The following CNBD1 variants were observed in gnomAD, a reference collection of about 807,000 sequenced individuals.
The protein encoded by CNBD1 is cyclic nucleotide binding domain containing 1, also known as cyclic nucleotide-binding domain-containing protein 1.
CNBD1 carries 71 observed loss-of-function variants against 54.4 expected under a neutral mutation model. The observed-to-expected ratio is 1.30, with a 90% CI of 1.08 to 1.59. The LOEUF is 1.59. Ranked by LOEUF, CNBD1 falls within the 40% of genes most tolerant of loss-of-function variation. The pLI, the probability that CNBD1 is intolerant of heterozygous loss-of-function variation, is 0.00. For synonymous variants in CNBD1, 182 were observed against 170.7 expected (o/e 1.07, Z -0.51); for missense variants, 659 against 518.0 (o/e 1.27, Z -2.64).
At chr8:87,107,735 A>G (rs1207755722) in intron 4 of CNBD1, among the ~76,000 whole-genome samples, 2 of 152,114 alleles carry the variant, frequency 1.3e-5, no homozygotes, top group African/African-American at 2.4e-5. Flanking sequence ...TTAGTTGTCT[A>G]TGTATGCTGT....
At chr8:86,968,631 AG>A (rs1808147806) in intron 4 of CNBD1, among the ~76,000 whole-genome samples, 3 of 152,326 alleles carry the variant, frequency 2.0e-5, no homozygotes, top group Admixed American at 2.0e-4. Context: ...TATTTGGGGA[AG>A]AGAAATATTT....
At chr8:87,128,921 A>T (rs774487106) in intron 4 of CNBD1, among the ~76,000 whole-genome samples, 12 of 97,464 alleles carry the variant, frequency 1.2e-4, no homozygotes, top group South Asian at 3.3e-4. Context: ...GTCTCCACTT[A>T]AAAAAAAAAA....
intron 5 of CNBD1, among the ~76,000 whole-genome samples, chr8:87,229,638 C>CT (rs1175532352): frequency 2.6e-5 from 4 of 152,010 alleles, no homozygotes; most frequent in Admixed American, 6.6e-5. Flanking sequence ...AAATTTTATA[C>CT]TTTTCTCTGA....
intron 4 of CNBD1, among the ~76,000 whole-genome samples, chr8:87,021,278 T>A (rs1368578047): frequency 1.4e-5 from 2 of 142,458 alleles, no homozygotes; most frequent in Non-Finnish European, 3.0e-5. Flanking sequence ...TGTTAAATAT[T>A]TTTTTTTTAT....
At chr8:87,190,405 GT>G (rs1813576277) in intron 4 of CNBD1, among the ~76,000 whole-genome samples, 1 of 152,080 alleles carries the variant, frequency 6.6e-6, no homozygotes. Flanking sequence ...TTTCCAGGTT[GT>G]AAATCTGAGC....
intron 5 of CNBD1, among the ~76,000 whole-genome samples, chr8:87,207,681 A>G (rs1377918281): frequency 6.6e-6 from 1 of 152,152 alleles, no homozygotes; most frequent in Non-Finnish European, 1.5e-5. Context: ...GTAATTATAC[A>G]TTTATTTTTT....
At chr8:87,215,651 C>T (rs1277349511) in intron 5 of CNBD1, among the ~76,000 whole-genome samples, 8 of 151,186 alleles carry the variant, frequency 5.3e-5, no homozygotes, top group Non-Finnish European at 1.0e-4. Context: ...TAGATTGTGA[C>T]GAGATTCAAT....
chr8:86,920,436 T>C (rs1449692364), intron 3 of CNBD1, among the ~76,000 whole-genome samples: 1 of 152,188 alleles, frequency 6.6e-6, no homozygotes, highest in Non-Finnish European at 1.5e-5. Flanking sequence ...GTTTGTGTTA[T>C]ATAACTTACA....
intron 6 of CNBD1, among the ~76,000 whole-genome samples, chr8:87,259,209 A>T (rs1195255264): frequency 6.6e-6 from 1 of 152,158 alleles, no homozygotes; most frequent in Non-Finnish European, 1.5e-5. Flanking sequence ...TGTCCTAAAC[A>T]TCCCTCTTTT....
intron 8 of CNBD1, among the ~76,000 whole-genome samples, chr8:87,347,327 T>C (rs2130924611): frequency 6.6e-6 from 1 of 152,314 alleles, no homozygotes; most frequent in African/African-American, 2.4e-5. Flanking sequence ...TTGTTTAATG[T>C]TGAGATTCTT....
chr8:87,168,012 A>T (rs1028248625), intron 4 of CNBD1, among the ~76,000 whole-genome samples: 2 of 152,072 alleles, frequency 1.3e-5, no homozygotes, highest in Non-Finnish European at 2.9e-5. Flanking sequence ...GTAAGTATTT[A>T]TGTATCTAAA....
chr8:87,119,788 G>A (rs1422976197), intron 4 of CNBD1, among the ~76,000 whole-genome samples: 1 of 152,020 alleles, frequency 6.6e-6, no homozygotes, highest in Non-Finnish European at 1.5e-5. Flanking sequence ...TTTTTATAGT[G>A]AAGGGATGTT....
chr8:87,355,347 CA>C (rs1339073499), intron 10 of CNBD1, among the ~76,000 whole-genome samples: 1 of 152,106 alleles, frequency 6.6e-6, no homozygotes, highest in African/African-American at 2.4e-5. Context: ...TCTCTAAGGT[CA>C]TTGCTTTTAT....
At chr8:86,936,603 TGTG>T (rs1295121379) in intron 3 of CNBD1, among the ~76,000 whole-genome samples, 1 of 151,522 alleles carries the variant, frequency 6.6e-6, no homozygotes, top group Non-Finnish European at 1.5e-5. Context: ...ATTAGCCAGG[TGTG>T]GTGGTAGGCG....
chr8:87,368,920 C>T (rs888428356), intron 10 of CNBD1, among the ~76,000 whole-genome samples: 3 of 151,808 alleles, frequency 2.0e-5, no homozygotes, highest in Non-Finnish European at 4.4e-5. Context: ...TTCGGCTTCC[C>T]TCCCCTCCTT....
rs543748562 is a variant in CNBD1 at position 87,359,579 on chromosome 8, T to C, written c.1303+5793T>C. The stretch of plus-strand genomic sequence containing the variant: ...ATGGTTAATTTTGCTGAAATAATTT[T>C]CACATATGAAGAACAATGATATTAA... On this transcript the variant is annotated intron_variant, in intron 10 of 10. Coordinates refer to ENST00000518476, the MANE Select transcript of CNBD1 (RefSeq NM_173538.3). Among the ~76,000 whole-genome samples, 6 of 152,272 alleles carry C rather than the reference T, an allele frequency of 3.9e-5. No individual in the cohort carries two copies. The South Asian group carries it at 1.2e-3, about 32-fold the overall frequency.
intron 5 of CNBD1, among the ~76,000 whole-genome samples, chr8:87,220,704 G>T (rs781731028): frequency 6.6e-6 from 1 of 151,760 alleles, no homozygotes; most frequent in Non-Finnish European, 1.5e-5. Context: ...TGTTATACTT[G>T]ATCAATCTTT....
chr8:87,428,301 A>C (rs749949537), intron 2 of CNBD1, among the ~76,000 whole-genome samples: 1 of 152,308 alleles, frequency 6.6e-6, no homozygotes, highest in East Asian at 1.9e-4. Context: ...AGTACTAAAC[A>C]ATTTCCAAAT....
intron 4 of CNBD1, among the ~76,000 whole-genome samples, chr8:87,142,283 A>G (rs1812386125): frequency 6.6e-6 from 1 of 152,148 alleles, no homozygotes; most frequent in African/African-American, 2.4e-5. Flanking sequence ...TGAGGTTGGG[A>G]ATAATCAGTA....
Sources: allele counts gnomAD v4.1 joint callset (sites outside exome capture counted in the v4.1 genomes callset), GRCh38; gene constraint gnomAD v4.1.1; transcripts MANE v1.5; gene names NCBI Gene and HGNC (gene_info 2026-07-23, HGNC 2026-07-21).